The following PATJ variants were observed in gnomAD, a reference collection of about 807,000 sequenced individuals.
The protein encoded by PATJ is PATJ crumbs cell polarity complex component.
Under a neutral mutation model 224.9 loss-of-function variants are expected in PATJ, and 190 were observed. That is an observed-to-expected ratio of 0.84 (90% CI 0.75 to 0.95). The LOEUF (loss-of-function observed/expected upper bound fraction) is 0.95. Ranked by LOEUF, PATJ falls within the 40% of genes least tolerant of loss-of-function variation. The pLI is 0.00. For missense variants in PATJ, 2,121 were observed against 2,270.3 expected, an observed-to-expected ratio of 0.93 and a Z score of 1.34; for synonymous variants, 769 against 820.3, an observed-to-expected ratio of 0.94 and a Z score of 1.07.
chr1:61,917,586 G>A (rs991357668), intron 26 of PATJ, among the ~76,000 whole-genome samples: 29 of 151,938 alleles, frequency 1.9e-4, no homozygotes, highest in African/African-American at 6.3e-4. Flanking sequence ...GTTTTGTTTT[G>A]TTTTTCCCCA....
chr1:62,090,710 G>A (rs1241445227), intron 33 of PATJ, among the ~76,000 whole-genome samples: 1 of 152,014 alleles, frequency 6.6e-6, no homozygotes, highest in African/African-American at 2.4e-5. Flanking sequence ...GGTCTTGTTG[G>A]AGTGTTGAAT....
intron 34 of PATJ, among the ~76,000 whole-genome samples, chr1:62,111,626 C>T (rs143257272): frequency 2.0e-5 from 3 of 151,914 alleles, no homozygotes; most frequent in African/African-American, 4.8e-5. Flanking sequence ...GGAATCAGCA[C>T]TCAAACTGAA....
intron 30 of PATJ, among the ~76,000 whole-genome samples, chr1:62,046,953 G>T (rs1445920137): frequency 6.6e-6 from 1 of 152,162 alleles, no homozygotes; most frequent in East Asian, 1.9e-4. Context: ...TTTACAGGTT[G>T]ACGCATCCCT....
chr1:62,080,245 A>G (rs547183281), intron 32 of PATJ, among the ~76,000 whole-genome samples: 21 of 152,348 alleles, frequency 1.4e-4, no homozygotes, highest in African/African-American at 4.6e-4. Context: ...TGGCATGCAC[A>G]TTCTGTCTTT....
intron 15 of PATJ, among the ~76,000 whole-genome samples, chr1:61,824,608 A>G (rs867226596): frequency 2.6e-5 from 4 of 150,958 alleles, no homozygotes; most frequent in Middle Eastern, 3.5e-3. Context: ...GTTGTTTTGC[A>G]GAGACAGGGT....
rs1179729899 is a variant in PATJ, at chr1:62,106,144, ATGTG to A, written c.4378-2281_4378-2278del. 1.7e-4 allele frequency among the ~76,000 whole-genome samples: 10 copies of A among 57,488 alleles called. 1 individual carries two copies. The highest frequency in any genetic ancestry group is 5.6e-4 in the African/African-American group (7 of 12,562). 37.7% of individuals were successfully genotyped at this position (57,488 alleles called of 152,430 possible). A position where few individuals can be genotyped will look rare whatever the true frequency, so the allele number is the denominator to read the frequency against. On this transcript the variant is annotated intron_variant, in intron 33 of 43. Coordinates refer to ENST00000642238, the MANE Select transcript of PATJ (RefSeq NM_001350145.3). Reference sequence around the variant, plus strand: ...CAAACACACATATATACATGTGTATATGTGTGTGTGTGTGTATATATATATATAT... The same window carrying A: ...CAAACACACATATATACATGTGTATATGTGTGTGTGTATATATATATATAT...
At chr1:61,970,014 A>G (rs1682732286) in intron 27 of PATJ, among the ~76,000 whole-genome samples, 2 of 151,890 alleles carry the variant, frequency 1.3e-5, no homozygotes, top group South Asian at 4.1e-4. Context: ...TACTTTGAAC[A>G]AATGTTTTAA....
At chr1:61,806,692 C>T (rs75148170) in intron 13 of PATJ, among the ~76,000 whole-genome samples, 4,528 of 151,412 alleles carry the variant, frequency 0.03, 176 homozygotes, top group African/African-American at 0.093. Context: ...TGTGTCAGTT[C>T]TCATGAGCTG....
intron 14 of PATJ, among the ~76,000 whole-genome samples, chr1:61,820,504 A>G (rs893818025): frequency 5.3e-5 from 8 of 151,826 alleles, no homozygotes; most frequent in Non-Finnish European, 1.0e-4. Flanking sequence ...CACCACACTC[A>G]GCTAATTTTG....
chr1:62,062,501 T>C (rs1251727935), intron 31 of PATJ, among the ~76,000 whole-genome samples: 3 of 125,724 alleles, frequency 2.4e-5, no homozygotes, highest in Non-Finnish European at 5.1e-5. Flanking sequence ...TTTTTTTTTT[T>C]TTTTTTTTTT....
intron 43 of PATJ, among the ~76,000 whole-genome samples, chr1:62,156,054 TAAAAAAAAAAAA>T (rs34300724): frequency 1.4e-4 from 6 of 43,056 alleles, no homozygotes; most frequent in African/African-American, 4.8e-4. Context: ...CAAGACTCTG[TAAAAAAAAAAAA>T]AAAAAAAAAA....
rs1036688496 is a variant in PATJ at position 61,912,018 on chromosome 1, T to A, written c.3493-2569T>A. On this transcript the variant is annotated intron_variant, in intron 25 of 43. Coordinates refer to ENST00000642238, the MANE Select transcript of PATJ (RefSeq NM_001350145.3). ...TCATTCTATATTAATATATATATAT[T>A]TTTATATTAAAAAATTGGATATCTT... 1.4e-4 allele frequency among the ~76,000 whole-genome samples: 11 copies of A among 81,252 alleles called. No homozygotes were observed. The East Asian group carries it at 5.3e-3, about 39-fold the overall frequency. The allele number at this position is 81,252 out of a possible 152,430, so 53.3% of individuals were successfully genotyped here.
chr1:61,908,523 C>A, intron 25 of PATJ, 41 bp downstream of exon 25: 2 of 1,228,568 alleles, frequency 1.6e-6, no homozygotes, highest in South Asian at 1.2e-5. Context: ...TAACAACACT[C>A]TGTATACCTG....
intron 33 of PATJ, among the ~76,000 whole-genome samples, chr1:62,087,507 G>C (rs1472074515): frequency 1.3e-5 from 2 of 151,900 alleles, no homozygotes; most frequent in African/African-American, 2.4e-5. Flanking sequence ...TTGGACCAAG[G>C]GTTTCAGGCT....
intron 16 of PATJ, among the ~76,000 whole-genome samples, 200 bp downstream of exon 16, chr1:61,827,783 T>G (rs1375780732): frequency 1.3e-5 from 2 of 152,232 alleles, no homozygotes; most frequent in Non-Finnish European, 2.9e-5. Context: ...TTCCTTGACA[T>G]GTTGGCAACA....
At chr1:61,769,178 T>A in intron 4 of PATJ, 105 bp from the exon 5 acceptor site, 1 of 1,053,990 alleles carries the variant, frequency 9.5e-7, no homozygotes, top group East Asian at 2.5e-5. Context: ...GTTTATGTGG[T>A]TCTTAGGGGA....
At chr1:61,937,502 T>C (rs946636780) in intron 27 of PATJ, among the ~76,000 whole-genome samples, 6 of 152,176 alleles carry the variant, frequency 3.9e-5, no homozygotes, top group Non-Finnish European at 8.8e-5. Context: ...TCTAAATCCA[T>C]CTGTAAATTT....
At chr1:61,988,758 A>G (rs958163736) in intron 27 of PATJ, among the ~76,000 whole-genome samples, 8 of 152,186 alleles carry the variant, frequency 5.3e-5, no homozygotes, top group African/African-American at 1.7e-4. Flanking sequence ...AAATTTACCT[A>G]CTCACTTATA....
chr1:61,791,137 T>C (rs1226157187), intron 8 of PATJ, among the ~76,000 whole-genome samples: 2 of 152,168 alleles, frequency 1.3e-5, no homozygotes, highest in Admixed American at 6.6e-5. Context: ...ACTCCAGTGA[T>C]GAGATTAGGC....
Sources: allele counts gnomAD v4.1 joint callset (sites outside exome capture counted in the v4.1 genomes callset), GRCh38; gene constraint gnomAD v4.1.1; transcripts MANE v1.5; gene names NCBI Gene and HGNC (gene_info 2026-07-23, HGNC 2026-07-21).